Variants in DCC observed in about 807,000 individuals in gnomAD.
The protein encoded by DCC is DCC netrin 1 receptor.
DCC carries 58 observed loss-of-function variants against 172.5 expected under a neutral mutation model. The observed-to-expected ratio is 0.34, with a 90% confidence interval of 0.27 to 0.42. The LOEUF (loss-of-function observed/expected upper bound fraction) is 0.42, where lower values mean the gene tolerates loss of function less well. Among genes scored for constraint, DCC ranks in the 10% least tolerant of loss-of-function variants. The pLI, the probability that DCC is intolerant of heterozygous loss-of-function variation, is 1.00. For missense variants in DCC, 1,740 were observed against 1,791.0 expected (o/e 0.97, Z 0.51); for synonymous variants, 709 against 644.5 (o/e 1.10, Z -1.52).
At chr18:53,108,905 T>G (rs1598810353) in intron 7 of DCC, among the ~76,000 whole-genome samples, 1 of 151,390 alleles carries the variant, frequency 6.6e-6, no homozygotes, top group South Asian at 2.1e-4. Flanking sequence ...GGCTTTCCTA[T>G]GCAGCAAGCA....
intron 1 of DCC, among the ~76,000 whole-genome samples, chr18:52,453,660 A>G (rs1331967105): frequency 1.3e-5 from 2 of 152,170 alleles, no homozygotes; most frequent in Admixed American, 6.5e-5. Flanking sequence ...TTAACCCTCT[A>G]TTATTTGAGA....
chr18:52,694,911 G>C (rs1194822690), intron 1 of DCC, among the ~76,000 whole-genome samples: 2 of 152,186 alleles, frequency 1.3e-5, no homozygotes, highest in Non-Finnish European at 2.9e-5. Flanking sequence ...GAAGTCTTAA[G>C]AATAGAAGAT....
chr18:53,440,975 T>C (rs952359638), intron 22 of DCC, among the ~76,000 whole-genome samples: 1 of 152,214 alleles, frequency 6.6e-6, no homozygotes, highest in Admixed American at 6.5e-5. Context: ...GGATTTTTCT[T>C]TGTTGTGGGC....
chr18:53,081,798 G>T (rs957781731), intron 7 of DCC, among the ~76,000 whole-genome samples: 3 of 152,034 alleles, frequency 2.0e-5, no homozygotes, highest in Admixed American at 6.6e-5. Context: ...TCTAGGAATG[G>T]CTACTAAGAT....
At chr18:52,736,365 A>G (rs569849918) in intron 1 of DCC, among the ~76,000 whole-genome samples, 10 of 152,020 alleles carry the variant, frequency 6.6e-5, no homozygotes, top group African/African-American at 2.4e-4. Context: ...ACCCTGGCCC[A>G]TGATTTAAGA....
At chr18:52,959,887 C>A (rs991940108) in intron 5 of DCC, among the ~76,000 whole-genome samples, 2 of 152,052 alleles carry the variant, frequency 1.3e-5, no homozygotes, top group Admixed American at 1.3e-4. Flanking sequence ...GAAAGGTTAG[C>A]TGGGGGAATT....
intron 26 of DCC, among the ~76,000 whole-genome samples, chr18:53,491,587 G>T (rs2045960320): frequency 6.6e-6 from 1 of 152,082 alleles, no homozygotes; most frequent in South Asian, 2.1e-4. Flanking sequence ...AGAACATGTG[G>T]TGTTTGGTTT....
chr18:53,391,730 T>C lies in DCC; in HGVS notation c.2531T>C (p.Met844Thr). 1 of 1,614,088 alleles carries C rather than the reference T, an allele frequency of 6.2e-7. No individual in the cohort carries two copies. The highest frequency in any genetic ancestry group is 8.5e-7 in the Non-Finnish European group (1 of 1,179,972). The stretch of plus-strand genomic sequence containing the variant: ...TCGGTCCCAGATCTCTCCACCCCCA[T>C]GCTCCCACCAGTAGGTGTACAGGCT... Reference protein sequence around the residue: ...PTSVPDLSTPMLPPVGVQAVA... With the variant: ...PTSVPDLSTPTLPPVGVQAVA... Residue 844 changes from methionine to threonine, a missense_variant, in exon 17 of 29, where the codon ATG becomes ACG. By Grantham distance (81) the Met-to-Thr change is moderately conservative. Transcript: ENST00000442544.
chr18:52,572,990 A>G (rs961402877), intron 1 of DCC, among the ~76,000 whole-genome samples: 1 of 152,230 alleles, frequency 6.6e-6, no homozygotes, highest in African/African-American at 2.4e-5. Context: ...CTACTGCCAG[A>G]AAACCTATTA....
At chr18:53,314,602 G>A (rs1246270929) in intron 13 of DCC, among the ~76,000 whole-genome samples, 1 of 152,144 alleles carries the variant, frequency 6.6e-6, no homozygotes, top group Non-Finnish European at 1.5e-5. Context: ...TGAGCCATTT[G>A]ACTAGATATT....
intron 14 of DCC, among the ~76,000 whole-genome samples, chr18:53,336,523 T>C (rs1251380417): frequency 1.3e-5 from 2 of 152,164 alleles, no homozygotes; most frequent in African/African-American, 2.4e-5. Flanking sequence ...TTGAAGGAAC[T>C]GTCCTTTTGG....
intron 1 of DCC, among the ~76,000 whole-genome samples, chr18:52,554,038 C>T (rs1158018971): frequency 6.6e-6 from 1 of 151,932 alleles, no homozygotes; most frequent in Admixed American, 6.6e-5. Context: ...GTGTTCTTAT[C>T]CATAAAATGG....
At chr18:52,353,069 T>A (rs1029476488) in intron 1 of DCC, among the ~76,000 whole-genome samples, 6 of 152,224 alleles carry the variant, frequency 3.9e-5, no homozygotes, top group Non-Finnish European at 5.9e-5. Flanking sequence ...CTAGTTTTTC[T>A]TAGCTTGAAG....
intron 2 of DCC, among the ~76,000 whole-genome samples, chr18:52,866,408 T>C (rs1170831935): frequency 6.6e-6 from 1 of 152,156 alleles, no homozygotes; most frequent in East Asian, 1.9e-4. Flanking sequence ...ATATAAAGTT[T>C]TTTTCTAACT....
At chr18:52,674,614 A>G (rs2035616755) in intron 1 of DCC, among the ~76,000 whole-genome samples, 1 of 152,206 alleles carries the variant, frequency 6.6e-6, no homozygotes, top group African/African-American at 2.4e-5. Context: ...AGTGAATACC[A>G]AAAAATGTGA....
chr18:53,530,113 A>G (rs2046509381), intron 28 of DCC, among the ~76,000 whole-genome samples: 1 of 152,206 alleles, frequency 6.6e-6, no homozygotes, highest in Non-Finnish European at 1.5e-5. Context: ...TAGTAAGAGG[A>G]ACAGGAGCTA....
chr18:52,629,440 T>C (rs2034633781), intron 1 of DCC, among the ~76,000 whole-genome samples: 1 of 152,170 alleles, frequency 6.6e-6, no homozygotes, highest in Non-Finnish European at 1.5e-5. Flanking sequence ...AGAACCTTAC[T>C]CAGATACTGG....
intron 1 of DCC, among the ~76,000 whole-genome samples, chr18:52,396,571 G>A (rs561753492): frequency 5.1e-4 from 77 of 151,954 alleles, no homozygotes; most frequent in Non-Finnish European, 9.0e-4. Flanking sequence ...TCCCTTGTTA[G>A]GAAAAGGCTC....
At chr18:53,346,509 T>G (rs1282678053) in intron 15 of DCC, among the ~76,000 whole-genome samples, 5 of 152,186 alleles carry the variant, frequency 3.3e-5, no homozygotes, top group Non-Finnish European at 7.4e-5. Flanking sequence ...ATTGAGTGAT[T>G]TATCCTGTTC....
Sources: allele counts gnomAD v4.1 joint callset (sites outside exome capture counted in the v4.1 genomes callset), GRCh38; gene constraint gnomAD v4.1.1; transcripts MANE v1.5; gene names NCBI Gene and HGNC (gene_info 2026-07-23, HGNC 2026-07-21).